Variants in KIAA0586 observed in about 807,000 individuals in gnomAD.
KIAA0586 encodes KIAA0586, also known as protein TALPID3.
KIAA0586 carries 144 observed loss-of-function variants against 169.8 expected under a neutral mutation model. The observed-to-expected ratio is 0.85, with a 90% CI of 0.74 to 0.97. The LOEUF (loss-of-function observed/expected upper bound fraction) is 0.97. KIAA0586 is among the 50% of genes least tolerant of loss of function. KIAA0586 has a pLI of 0.00. For missense variants in KIAA0586, 1,854 were observed against 1,823.0 expected (o/e 1.02, Z -0.31); for synonymous variants, 625 against 612.4 (o/e 1.02, Z -0.30).
In KIAA0586 at chr14:58,548,550, A is replaced by G. The variant is rs1447509153; in HGVS notation, c.*618A>G. The G allele has an allele frequency of 1.3e-5, 2 of 152,160 alleles. No homozygotes were observed. Among genetic ancestry groups the G allele is most frequent in the East Asian group, 1.9e-4 (1 of 5,194 alleles). The allele number at this position is 152,160 out of a possible 1,614,324, so 9.4% of individuals were successfully genotyped here. A position where few individuals can be genotyped will look rare whatever the true frequency, so the allele number is the denominator to read the frequency against. On this transcript the variant is annotated 3_prime_UTR_variant, in exon 31 of 31. Transcript: ENST00000652326. ...TTCTTACATGTATTTGCTTGTAAAT[A>G]TATTATATAAACAAGAAACTGCTAA...
At chr14:58,504,413 G>A (rs1166394031) in intron 27 of KIAA0586, among the ~76,000 whole-genome samples, 8 of 152,058 alleles carry the variant, frequency 5.3e-5, no homozygotes, top group Non-Finnish European at 7.4e-5. Context: ...TATGGAGGAA[G>A]GACAGAATTA....
At position 58,545,820 on chromosome 14, in the gene KIAA0586, A is replaced by C. The variant is rs898211862; in HGVS notation, c.4496-1961A>C. Among the ~76,000 whole-genome samples the C allele has an allele frequency of 9.2e-5, 14 of 152,146 alleles. No individual in the cohort carries two copies. The East Asian group carries it at 1.5e-3, about 17-fold the overall frequency. ...CACTTGAGACCAAGGAGTTTGAGACAAAGGAGTTTGAGACCAGCCCCGGCA... is the reference window on the plus strand; with the variant it reads ...CACTTGAGACCAAGGAGTTTGAGACCAAGGAGTTTGAGACCAGCCCCGGCA... On this transcript the variant is annotated intron_variant, in intron 30 of 30. Coordinates refer to ENST00000652326, the MANE Select transcript of KIAA0586 (RefSeq NM_001329943.3).
At chr14:58,429,840 T>A (rs1191962026) in intron 2 of KIAA0586, among the ~76,000 whole-genome samples, 1 of 152,164 alleles carries the variant, frequency 6.6e-6, no homozygotes, top group Non-Finnish European at 1.5e-5. Context: ...TTGGTTTTCT[T>A]AGAAGGGAGG....
intron 4 of KIAA0586, among the ~76,000 whole-genome samples, chr14:58,442,443 T>C (rs2038478156): frequency 6.6e-6 from 1 of 152,224 alleles, no homozygotes; most frequent in Non-Finnish European, 1.5e-5. Context: ...AAAATGTCTT[T>C]ATAATTGTGC....
chr14:58,521,547 G>C (rs564606367), intron 29 of KIAA0586: 2 of 843,874 alleles, frequency 2.4e-6, no homozygotes, highest in Non-Finnish European at 4.1e-6. Context: ...TAGTGCCCTC[G>C]AAATGTCAGC....
intron 4 of KIAA0586, among the ~76,000 whole-genome samples, chr14:58,440,653 G>T (rs1167244907): frequency 6.6e-6 from 1 of 152,172 alleles, no homozygotes; most frequent in Non-Finnish European, 1.5e-5. Context: ...TATTTGTTAA[G>T]TAAATCTAAA....
At chr14:58,480,651 C>G (rs188409567) in intron 20 of KIAA0586, among the ~76,000 whole-genome samples, 3 of 152,248 alleles carry the variant, frequency 2.0e-5, no homozygotes, top group South Asian at 2.1e-4. Context: ...ATCTCTAAAG[C>G]CTTGGAGTTA....
At chr14:58,427,415 T>G, upstream of KIAA0586, 1 of 590,020 alleles carries the variant, frequency 1.7e-6, no homozygotes, top group Non-Finnish European at 2.9e-6. Context: ...CCTAACGGTC[T>G]TCGGAAGCGA....
intron 29 of KIAA0586, among the ~76,000 whole-genome samples, chr14:58,514,799 T>C (rs565076044): frequency 1.3e-5 from 2 of 152,174 alleles, no homozygotes; most frequent in South Asian, 2.1e-4. Flanking sequence ...TATGTACTGA[T>C]TAATGTATCT....
At position 58,488,853 on chromosome 14, in the gene KIAA0586, G is replaced by C; in HGVS notation, c.3760G>C (p.Gly1254Arg). The C allele has an allele frequency of 6.2e-7, 1 of 1,613,352 alleles. No individual in the cohort carries two copies. Among genetic ancestry groups the C allele is most frequent in the South Asian group, 1.1e-5 (1 of 90,948 alleles). Residue 1254 changes from glycine (G) to arginine (R), a missense_variant, in exon 24 of 31, where the codon GGT (glycine) becomes CGT (arginine). By Grantham distance (125) the Gly-to-Arg change is moderately radical (BLOSUM62 -2). Transcript: ENST00000652326. Reference protein sequence around the residue: ...ISEGEILFSCGQKLAPKILED... With the variant: ...ISEGEILFSCRQKLAPKILED... Reference sequence around the variant, plus strand: ...TGAAGGAGAGATTTTATTTAGCTGTGGTCAAAAATTGGCCCCCAAGAGTAA... The same window carrying C: ...TGAAGGAGAGATTTTATTTAGCTGTCGTCAAAAATTGGCCCCCAAGAGTAA...
At position 58,448,327 on chromosome 14, in the gene KIAA0586, T is replaced by A. The variant is rs1364907790; in HGVS notation, c.808-13T>A. 1.3e-6 allele frequency: 2 copies of A among 1,483,318 alleles called. No individual in the cohort carries two copies. The highest frequency in any genetic ancestry group is 2.8e-5 in the African/African-American group (2 of 70,976). 91.9% of individuals were successfully genotyped at this position (1,483,318 alleles called of 1,614,324 possible). A position where few individuals can be genotyped will look rare whatever the true frequency, so the allele number is the denominator to read the frequency against. ...GATATTTGAAAATAATAAAATAATCTTATTTCTTCTAGACTCATTTTATTA... is the reference window on the plus strand; with the variant it reads ...GATATTTGAAAATAATAAAATAATCATATTTCTTCTAGACTCATTTTATTA... On this transcript the variant is annotated splice_polypyrimidine_tract_variant and intron_variant, in intron 6 of 30. Coordinates refer to ENST00000652326, the MANE Select transcript of KIAA0586 (RefSeq NM_001329943.3).
chr14:58,531,460 G>A (rs1458470359), intron 29 of KIAA0586, among the ~76,000 whole-genome samples: 1 of 152,158 alleles, frequency 6.6e-6, no homozygotes, highest in Non-Finnish European at 1.5e-5. Context: ...CTGCTCATTA[G>A]AGAAATACAA....
chr14:58,539,121 A>G lies in KIAA0586; in HGVS notation c.4430-950A>G, dbSNP rs138973810. On this transcript the variant is annotated intron_variant, in intron 29 of 30. Transcript: ENST00000652326. ...TTCCCACAAATAAATGAGAACCTTC[A>G]AAGTTTGTCTTTCTGTGTCTGGTTT... is the stretch of plus-strand genomic sequence containing the variant. 4.5e-4 allele frequency among the ~76,000 whole-genome samples: 68 copies of G among 152,224 alleles called. No individual in the cohort carries two copies. In the East Asian group the frequency reaches 8.7e-3, roughly 19 times the overall value.
chr14:58,511,113 T>C (rs72718744), intron 28 of KIAA0586, among the ~76,000 whole-genome samples: 1 of 152,192 alleles, frequency 6.6e-6, no homozygotes, highest in Non-Finnish European at 1.5e-5. Context: ...ACTTTAAATA[T>C]GTGCAGTTTA....
intron 29 of KIAA0586, among the ~76,000 whole-genome samples, chr14:58,535,809 C>T (rs1027245795): frequency 6.6e-6 from 1 of 150,582 alleles, no homozygotes; most frequent in African/African-American, 2.4e-5. Flanking sequence ...TTCTGTACAT[C>T]GTCCCTTTAA....
chr14:58,519,167 A>C (rs1246962117), intron 29 of KIAA0586, among the ~76,000 whole-genome samples: 1 of 152,326 alleles, frequency 6.6e-6, no homozygotes, highest in South Asian at 2.1e-4. Context: ...ACAGGGGAAT[A>C]CATTTACCAG....
At chr14:58,451,796 G>A (rs1241976157) in intron 8 of KIAA0586, among the ~76,000 whole-genome samples, 1 of 151,638 alleles carries the variant, frequency 6.6e-6, no homozygotes, top group South Asian at 2.1e-4. Context: ...CGATTCTCCT[G>A]CGTCAGCCTC....
At chr14:58,443,493 GC>G (rs1566792840) in intron 5 of KIAA0586, among the ~76,000 whole-genome samples, 1 of 152,220 alleles carries the variant, frequency 6.6e-6, no homozygotes, top group Non-Finnish European at 1.5e-5. Flanking sequence ...TGCGATCTCA[GC>G]TCACTGCAAC....
At chr14:58,487,561 G>A (rs940331317) in intron 22 of KIAA0586, among the ~76,000 whole-genome samples, 1 of 151,330 alleles carries the variant, frequency 6.6e-6, no homozygotes, top group Admixed American at 6.6e-5. Context: ...AGCCGAGATC[G>A]CACCATTGCA....
Sources: allele counts gnomAD v4.1 joint callset (sites outside exome capture counted in the v4.1 genomes callset), GRCh38; gene constraint gnomAD v4.1.1; transcripts MANE v1.5; gene names NCBI Gene and HGNC (gene_info 2026-07-23, HGNC 2026-07-21).